Variants in SUMF1 observed in about 807,000 individuals in gnomAD.
The protein encoded by SUMF1 is sulfatase modifying factor 1.
A neutral mutation model predicts 47.6 loss-of-function variants in SUMF1; 48 were observed. The observed-to-expected ratio is 1.01, with a 90% confidence interval of 0.80 to 1.28. SUMF1 has a LOEUF of 1.28. SUMF1 is among the 50% of genes most tolerant of loss of function. The pLI, the probability that SUMF1 is intolerant of heterozygous loss-of-function variation, is 0.00. For missense variants in SUMF1, 571 were observed against 485.4 expected, an observed-to-expected ratio of 1.18 and a Z score of -1.66; for synonymous variants, 230 against 192.1, an observed-to-expected ratio of 1.20 and a Z score of -1.63.
At chr3:4,407,750 C>T (rs1396802269) in intron 7 of SUMF1, among the ~76,000 whole-genome samples, 1 of 152,142 alleles carries the variant, frequency 6.6e-6, no homozygotes, top group Admixed American at 6.5e-5. Flanking sequence ...AACTGTTTTC[C>T]TTAGAGATCT....
At chr3:4,427,147 G>A (rs1016542926) in intron 3 of SUMF1, among the ~76,000 whole-genome samples, 1 of 152,180 alleles carries the variant, frequency 6.6e-6, no homozygotes, top group Non-Finnish European at 1.5e-5. Flanking sequence ...ATCAGCACAG[G>A]AAAAAGAAAG....
chr3:4,283,840 G>A (rs913217657), intron 8 of SUMF1, among the ~76,000 whole-genome samples: 1 of 152,102 alleles, frequency 6.6e-6, no homozygotes, highest in African/African-American at 2.4e-5. Context: ...TTGGCGTCTG[G>A]TAAGGGATCA....
Position 4,203,596 on chromosome 3 carries a change from T to C in SUMF1, c.1015-134851A>G, listed in dbSNP as rs184075951. On this transcript the variant is annotated intron_variant and NMD_transcript_variant, in intron 8 of 12. Coordinates refer to the SUMF1 transcript ENST00000448413. ...AGTCCAGTTACATTCAATGTTACTATTGATAAGTAAGGACTTTCTCCTGTC... is the reference window on the plus strand; with the variant it reads ...AGTCCAGTTACATTCAATGTTACTACTGATAAGTAAGGACTTTCTCCTGTC... Among the ~76,000 whole-genome samples, 3 of 152,150 alleles carry C rather than the reference T, an allele frequency of 2.0e-5. No individual in the cohort carries two copies. The East Asian group carries it at 5.8e-4, about 29-fold the overall frequency.
intron 8 of SUMF1, among the ~76,000 whole-genome samples, chr3:4,134,711 T>G (rs1693881478): frequency 6.6e-6 from 1 of 151,742 alleles, no homozygotes; most frequent in Admixed American, 6.6e-5. Context: ...TCAACAAAAT[T>G]GATAGTCCAC....
intron 8 of SUMF1, among the ~76,000 whole-genome samples, chr3:4,254,276 G>C (rs1339939453): frequency 6.6e-6 from 1 of 151,900 alleles, no homozygotes; most frequent in African/African-American, 2.4e-5. Flanking sequence ...TGACTTTGAC[G>C]AGCTGAGAGA....
intron 8 of SUMF1, among the ~76,000 whole-genome samples, chr3:4,114,293 A>G (rs1574895947): frequency 6.6e-6 from 1 of 152,094 alleles, no homozygotes; most frequent in Non-Finnish European, 1.5e-5. Flanking sequence ...TATATTCTCT[A>G]TCACACCCCT....
chr3:4,467,079 TG>T lies in SUMF1; in HGVS notation c.166del (p.Gln56SerfsTer53). 2.6e-6 allele frequency: 4 copies of T among 1,564,492 alleles called. No individual in the cohort carries two copies. Among genetic ancestry groups the T allele is most frequent in the Non-Finnish European group, 3.5e-6 (4 of 1,155,930 alleles). Reference sequence around the variant, plus strand: ...CGAACTGCCATGGGCGCCAGGCCGCTGGGGCGTGCCGCAGCCGCAAGAACCC... The same window carrying T: ...CGAACTGCCATGGGCGCCAGGCCGCTGGGCGTGCCGCAGCCGCAAGAACCC... ...LAGSCGCGTP[Q>X]RPGAHGSSAA... On this transcript the variant is annotated frameshift_variant, in exon 1 of 9. Coordinates refer to ENST00000272902, the MANE Select transcript of SUMF1 (RefSeq NM_182760.4). LOFTEE classifies it high-confidence loss of function.
intron 1 of SUMF1, among the ~76,000 whole-genome samples, chr3:4,460,602 G>GTGTGTA (rs1158773651): frequency 2.9e-5 from 4 of 136,714 alleles, no homozygotes; most frequent in Non-Finnish European, 4.6e-5. Context: ...CACACACAGT[G>GTGTGTA]TGTGTGTGTG....
At position 4,151,810 on chromosome 3, in the gene SUMF1, T is replaced by C. The variant is rs541182295; in HGVS notation, c.1015-83065A>G. Among the ~76,000 whole-genome samples, 33 of 151,136 alleles carry C rather than the reference T, an allele frequency of 2.2e-4. 1 individual carries two copies. The South Asian group carries it at 6.9e-3, about 32-fold the overall frequency. On this transcript the variant is annotated intron_variant and NMD_transcript_variant, in intron 8 of 12. Coordinates refer to the SUMF1 transcript ENST00000448413. Reference sequence around the variant, plus strand: ...TGGGCTATATGCAGCCTGTGGGCCATGGGTTAGACAAGCTTGATATAGAGA... The same window carrying C: ...TGGGCTATATGCAGCCTGTGGGCCACGGGTTAGACAAGCTTGATATAGAGA...
intron 7 of SUMF1, among the ~76,000 whole-genome samples, chr3:4,408,446 T>C (rs763143158): frequency 2.0e-5 from 3 of 152,162 alleles, no homozygotes; most frequent in Non-Finnish European, 4.4e-5. Flanking sequence ...ACTTCATAAT[T>C]AACTGTTTAA....
At chr3:4,381,222 T>A (rs1264066548) in intron 7 of SUMF1, among the ~76,000 whole-genome samples, 2 of 152,176 alleles carry the variant, frequency 1.3e-5, no homozygotes, top group African/African-American at 4.8e-5. Context: ...TTATTCTAAG[T>A]GTAGTAACTC....
At chr3:4,301,655 G>C (rs544932089) in intron 8 of SUMF1, among the ~76,000 whole-genome samples, 1 of 152,186 alleles carries the variant, frequency 6.6e-6, no homozygotes, top group South Asian at 2.1e-4. Flanking sequence ...TGAAGTGAAG[G>C]AATACAGAGT....
At chr3:4,452,830 G>T (rs1443558249) in intron 2 of SUMF1, 46 bp downstream of exon 2, 1 of 1,610,852 alleles carries the variant, frequency 6.2e-7, no homozygotes, top group Non-Finnish European at 8.5e-7. Context: ...ATTCTTAAAA[G>T]TTCTGGAAAA....
At position 4,226,541 on chromosome 3, in the gene SUMF1, T is replaced by A. The variant is rs1002959069; in HGVS notation, c.1014+149789A>T. Reference sequence around the variant, plus strand: ...CCTCGGCCTACCAAAGTGCTGGGATTACAAGCATGAGCCACTGTGCCTGGC... The same window carrying A: ...CCTCGGCCTACCAAAGTGCTGGGATAACAAGCATGAGCCACTGTGCCTGGC... On this transcript the variant is annotated intron_variant and NMD_transcript_variant, in intron 8 of 12. Coordinates refer to the SUMF1 transcript ENST00000448413. Among the ~76,000 whole-genome samples the A allele has an allele frequency of 1.3e-5, 2 of 152,090 alleles. 1 individual carries two copies.
At chr3:4,255,007 C>A (rs1696911680) in intron 8 of SUMF1, among the ~76,000 whole-genome samples, 1 of 151,334 alleles carries the variant, frequency 6.6e-6, no homozygotes, top group Non-Finnish European at 1.5e-5. Context: ...TCATATCCAG[C>A]CAAACTAAGC....
chr3:4,160,201 T>C (rs1019635931), intron 8 of SUMF1, among the ~76,000 whole-genome samples: 1 of 152,134 alleles, frequency 6.6e-6, no homozygotes, highest in Non-Finnish European at 1.5e-5. Context: ...AGATTTGCCC[T>C]TTTGAATCTA....
At chr3:4,284,834 A>G (rs1697600315) in intron 8 of SUMF1, among the ~76,000 whole-genome samples, 1 of 152,192 alleles carries the variant, frequency 6.6e-6, no homozygotes, top group East Asian at 1.9e-4. Context: ...AGCTAAGATA[A>G]AGGGATTATT....
chr3:4,202,851 C>G (rs1695569972), intron 8 of SUMF1, among the ~76,000 whole-genome samples: 1 of 151,896 alleles, frequency 6.6e-6, no homozygotes, highest in Non-Finnish European at 1.5e-5. Context: ...CATTCAGGAG[C>G]ATATTGTTAA....
At chr3:4,122,946 C>A (rs1693577703) in intron 8 of SUMF1, among the ~76,000 whole-genome samples, 1 of 152,110 alleles carries the variant, frequency 6.6e-6, no homozygotes, top group African/African-American at 2.4e-5. Flanking sequence ...GATATGTGCC[C>A]ATTCAACAAC....
Sources: allele counts gnomAD v4.1 joint callset (sites outside exome capture counted in the v4.1 genomes callset), GRCh38; gene constraint gnomAD v4.1.1; transcripts MANE v1.5; gene names NCBI Gene and HGNC (gene_info 2026-07-23, HGNC 2026-07-21).